Variants in DNAAF5 observed in about 807,000 individuals in gnomAD.
The protein encoded by DNAAF5 is dynein axonemal assembly factor 5.
DNAAF5 carries 64 observed loss-of-function variants against 75.8 expected under a neutral mutation model. That is an observed-to-expected ratio of 0.84 (90% CI 0.69 to 1.04). The LOEUF is 1.04. Among genes scored for constraint, DNAAF5 ranks in the 50% least tolerant of loss-of-function variants. The pLI is 0.00. For missense variants in DNAAF5, 1,269 were observed against 1,178.5 expected (o/e 1.08, Z -1.12); for synonymous variants, 657 against 557.2 (o/e 1.18, Z -2.52).
At chr7:767,111 C>T (rs141880130) in intron 8 of DNAAF5, among the ~76,000 whole-genome samples, 2,457 of 151,962 alleles carry the variant, frequency 0.016, 69 homozygotes, top group African/African-American at 0.052. Context: ...CGGTGGCGGG[C>T]GCTTGTGGTC....
Position 770,882 on chromosome 7 carries a change from C to T in DNAAF5, c.1931+264C>T, listed in dbSNP as rs1462055387. ...CAGCACTCTGGGTGAGGGTTCCCCA[C>T]ACCAAGTCTGAGGTGGGCGTGTGCA... On this transcript the variant is annotated intron_variant, in intron 9 of 12. Coordinates refer to ENST00000297440, the MANE Select transcript of DNAAF5 (RefSeq NM_017802.4). 7.2e-6 allele frequency: 3 copies of T among 418,796 alleles called. 1 individual carries two copies. Among genetic ancestry groups the T allele is most frequent in the Non-Finnish European group, 1.3e-5 (3 of 226,820 alleles). The allele number at this position is 418,796 out of a possible 1,614,324, so 25.9% of individuals were successfully genotyped here.
At chr7:739,659 G>A (rs1188297722) in intron 2 of DNAAF5, among the ~76,000 whole-genome samples, 1 of 152,218 alleles carries the variant, frequency 6.6e-6, no homozygotes, top group African/African-American at 2.4e-5. Context: ...CTCTCCTTGT[G>A]TGAACTTGCC....
In DNAAF5 at chr7:756,957, A is replaced by T. The variant is rs1473774989; in HGVS notation, c.1433A>T (p.Glu478Val). Residue 478 changes from glutamate to valine, a missense_variant, in exon 6 of 13, where the codon GAG (glutamate) becomes GTG (valine). Transcript: ENST00000297440. Reference sequence around the variant, plus strand: ...CCGCACCTGGCAGCCATCGCCACAGAGCTGGCACAGGCCCACATCTGCCAG... The same window carrying T: ...CCGCACCTGGCAGCCATCGCCACAGTGCTGGCACAGGCCCACATCTGCCAG... The part of the protein sequence containing the change: ...LQPHLAAIAT[E>V]LAQAHICQAS... The T allele has an allele frequency of 1.2e-6, 2 of 1,606,478 alleles. No homozygotes were observed. Among genetic ancestry groups the T allele is most frequent in the Middle Eastern group, 3.3e-4 (2 of 5,984 alleles).
At chr7:760,992 G>A (rs1007859488) in intron 6 of DNAAF5, among the ~76,000 whole-genome samples, 3 of 152,236 alleles carry the variant, frequency 2.0e-5, no homozygotes, top group Non-Finnish European at 4.4e-5. Flanking sequence ...TGTTCTGCCT[G>A]CCTGGGGCCA....
intron 1 of DNAAF5, among the ~76,000 whole-genome samples, chr7:727,812 C>G (rs1781409135): frequency 6.7e-6 from 1 of 148,196 alleles, no homozygotes; most frequent in South Asian, 2.2e-4. Flanking sequence ...ACCCTCCTCC[C>G]TGCCTGAGCC....
At chr7:784,703 C>T (rs1358245712) in intron 12 of DNAAF5, among the ~76,000 whole-genome samples, 3 of 152,162 alleles carry the variant, frequency 2.0e-5, no homozygotes, top group Admixed American at 6.5e-5. Flanking sequence ...ATGCCTGGCC[C>T]GTGGGAGGTT....
chr7:758,999 C>G (rs1782566756), intron 6 of DNAAF5, among the ~76,000 whole-genome samples: 1 of 152,102 alleles, frequency 6.6e-6, no homozygotes, highest in Non-Finnish European at 1.5e-5. Flanking sequence ...TACTCCTTAA[C>G]AGACTTAAAT....
At chr7:775,577 C>G (rs957946945) in intron 11 of DNAAF5, among the ~76,000 whole-genome samples, 1 of 151,930 alleles carries the variant, frequency 6.6e-6, no homozygotes, top group Admixed American at 6.5e-5. Flanking sequence ...TTTATACATA[C>G]AAATACAAAT....
At chr7:768,802 T>C (rs964001204) in intron 8 of DNAAF5, 2 of 255,144 alleles carry the variant, frequency 7.8e-6, no homozygotes, top group Non-Finnish European at 1.5e-5. Context: ...ACTTGACCTG[T>C]GGACATTTGG....
At position 750,871 on chromosome 7, in the gene DNAAF5, G is replaced by A. The variant is rs1430694650; in HGVS notation, c.1025-3718G>A. On this transcript the variant is annotated intron_variant, in intron 4 of 12. Transcript: ENST00000297440. ...TCTCATTTTGCAAACTTTCCAGAGC[G>A]GATCGTCATCAGGAAGAAAGGTGCA... The A allele has an allele frequency of 2.4e-5, 4 of 167,042 alleles. No individual in the cohort carries two copies. In the Admixed American group the frequency reaches 2.6e-4, roughly 11 times the overall value. The allele number at this position is 167,042 out of a possible 1,614,324, so 10.3% of individuals were successfully genotyped here. A position where few individuals can be genotyped will look rare whatever the true frequency, so the allele number is the denominator to read the frequency against.
rs764564318 is a variant in DNAAF5, at chr7:780,155, G to A, written c.2431+11G>A. On this transcript the variant is annotated intron_variant, in intron 12 of 12. Transcript: ENST00000297440. Reference sequence around the variant, plus strand: ...AGGATGCAATTTTAGGTGAGACTCCGACGGCTTGGCCTTCGTTCCGATGCC... The same window carrying A: ...AGGATGCAATTTTAGGTGAGACTCCAACGGCTTGGCCTTCGTTCCGATGCC... 20 of 1,611,662 alleles carry A rather than the reference G, an allele frequency of 1.2e-5. No individual in the cohort carries two copies. Among genetic ancestry groups the A allele is most frequent in the Admixed American group, 1.2e-4 (7 of 59,880 alleles).
intron 9 of DNAAF5, among the ~76,000 whole-genome samples, chr7:773,298 A>G (rs1057240071): frequency 6.6e-6 from 1 of 152,234 alleles, no homozygotes. Context: ...TGGCGCCTCC[A>G]GAAGAGGAAG....
intron 7 of DNAAF5, among the ~76,000 whole-genome samples, chr7:762,693 A>G (rs1431900797): frequency 1.3e-5 from 2 of 151,496 alleles, no homozygotes; most frequent in Non-Finnish European, 2.9e-5. Flanking sequence ...GGCTCACTGC[A>G]ACTTCTGCCT....
chr7:733,499 G>A (rs532742966), intron 2 of DNAAF5, among the ~76,000 whole-genome samples: 1 of 152,046 alleles, frequency 6.6e-6, no homozygotes, highest in South Asian at 2.1e-4. Flanking sequence ...GTGGTTTATA[G>A]TTTTCTTTCT....
chr7:735,152 C>T (rs1006975654), intron 2 of DNAAF5, among the ~76,000 whole-genome samples: 2 of 145,788 alleles, frequency 1.4e-5, no homozygotes, highest in East Asian at 2.1e-4. Flanking sequence ...TCATTGCTCA[C>T]GGTGTAGTTC....
At position 785,509 on chromosome 7, in the gene DNAAF5, T is replaced by C. The variant is rs752603399; in HGVS notation, c.2432-8T>C. 2.5e-6 allele frequency: 4 copies of C among 1,613,138 alleles called. No homozygotes were observed. In the African/African-American group the frequency reaches 5.3e-5, roughly 22 times the overall value. On this transcript the variant is annotated splice_region_variant and splice_polypyrimidine_tract_variant and intron_variant, in intron 12 of 12. Coordinates refer to ENST00000297440, the MANE Select transcript of DNAAF5 (RefSeq NM_017802.4). Reference sequence around the variant, plus strand: ...CTGGCATGTTCAAGGTGTTTTTCTGTTTTACAGAGGTCCTCAAAGAGGGCA... The same window carrying C: ...CTGGCATGTTCAAGGTGTTTTTCTGCTTTACAGAGGTCCTCAAAGAGGGCA...
intron 4 of DNAAF5, among the ~76,000 whole-genome samples, chr7:744,159 A>C (rs1265880164): frequency 1.3e-5 from 2 of 152,042 alleles, no homozygotes; most frequent in African/African-American, 4.8e-5. Context: ...CTCATTGTTC[A>C]ATTCCCACCT....
rs761881360 is a variant in DNAAF5, at chr7:775,064, C to G, written c.2141C>G (p.Ser714Trp). Residue 714 changes from serine (S) to tryptophan (W), a missense_variant, in exon 11 of 13, where the codon TCG (serine) becomes TGG (tryptophan). Ser to Trp is a radical substitution (Grantham distance 177). Coordinates refer to ENST00000297440, the MANE Select transcript of DNAAF5 (RefSeq NM_017802.4). The part of the protein sequence containing the change: ...PQVLTTLEED[S>W]KMTRLISCRI... ...GTCCTGACCACCCTGGAGGAGGATT[C>G]GAAGATGACGCGACTGATCTCATGC... 2 of 1,613,962 alleles carry G rather than the reference C, an allele frequency of 1.2e-6. No homozygotes were observed. Among genetic ancestry groups the G allele is most frequent in the Non-Finnish European group, 1.7e-6 (2 of 1,179,982 alleles).
At chr7:774,226 A>T (rs368634258) in intron 10 of DNAAF5, 28 bp downstream of exon 10, 5 of 1,584,240 alleles carry the variant, frequency 3.2e-6, no homozygotes, top group African/African-American at 1.3e-5. Context: ...TGCTCGGTGG[A>T]CACCGGCCGG....
Sources: gnomAD v4.1 joint callset for allele counts (sites outside exome capture counted in the v4.1 genomes callset) on GRCh38, gnomAD v4.1.1 for gene constraint, MANE v1.5 for transcripts, NCBI Gene and HGNC (gene_info 2026-07-23, HGNC 2026-07-21) for gene names.